The following SPATA17 variants were observed in gnomAD, a reference collection of about 807,000 sequenced individuals.
The protein encoded by SPATA17 is spermatogenesis-associated protein 17.
SPATA17 carries 53 observed loss-of-function variants against 62.2 expected under a neutral mutation model. The ratio of observed to expected loss-of-function variants is 0.85; its 90% confidence interval spans 0.68 to 1.07. The LOEUF is 1.07. SPATA17 is among the 50% of genes least tolerant of loss of function. The pLI is 0.00. For missense variants in SPATA17, 466 were observed against 425.5 expected, an observed-to-expected ratio of 1.10 and a Z score of -0.84; for synonymous variants, 146 against 146.8, an observed-to-expected ratio of 0.99 and a Z score of 0.04.
rs577027605 is a variant in SPATA17 at position 217,859,096 on chromosome 1, T to G, written c.1006-3678T>G. ...AAATTTATATATGTAGAAAATTATA[T>G]AGAGAGAAATGTTTATATTATACAT... is the stretch of plus-strand genomic sequence containing the variant. On this transcript the variant is annotated intron_variant, in intron 9 of 10. Transcript: ENST00000366933. 9.7e-3 allele frequency among the ~76,000 whole-genome samples: 1,427 copies of G among 147,182 alleles called. 11 individuals carry two copies. The highest frequency in any genetic ancestry group is 0.015 in the Non-Finnish European group (1,013 of 66,872).
chr1:217,668,962 T>TA, intron 3 of SPATA17, 71 bp from the exon 4 acceptor site: 1 of 1,280,400 alleles, frequency 7.8e-7, no homozygotes, highest in South Asian at 1.3e-5. Flanking sequence ...TCTTATCTTT[T>TA]ATATGTAAAA....
intron 9 of SPATA17, among the ~76,000 whole-genome samples, chr1:217,831,987 A>G (rs1675154238): frequency 6.6e-6 from 1 of 152,214 alleles, no homozygotes; most frequent in African/African-American, 2.4e-5. Flanking sequence ...AAAGAAATAA[A>G]TAGAATTTGA....
chr1:217,637,289 A>G (rs957148365), intron 1 of SPATA17, among the ~76,000 whole-genome samples: 1 of 152,180 alleles, frequency 6.6e-6, no homozygotes, highest in Non-Finnish European at 1.5e-5. Context: ...TTACTTGCCA[A>G]ATATAAAGAA....
intron 9 of SPATA17, among the ~76,000 whole-genome samples, chr1:217,859,956 G>C (rs993894758): frequency 1.3e-5 from 2 of 151,780 alleles, no homozygotes; most frequent in Non-Finnish European, 2.9e-5. Context: ...TAATTAATTT[G>C]CTCTTTTTAA....
intron 9 of SPATA17, among the ~76,000 whole-genome samples, chr1:217,854,681 C>T (rs1675739933): frequency 6.6e-6 from 1 of 151,952 alleles, no homozygotes; most frequent in Admixed American, 6.5e-5. Flanking sequence ...AGAGACCTGG[C>T]ACAGCATCTA....
intron 7 of SPATA17, among the ~76,000 whole-genome samples, chr1:217,779,798 T>C (rs17046838): frequency 0.49 from 74,114 of 151,914 alleles, 19,333 homozygotes; most frequent in Non-Finnish European, 0.59. Context: ...CAGAGTAGCT[T>C]TACTTGCCAG....
chr1:217,825,135 GAATAAAAACATATGC>G (rs1674961660), intron 9 of SPATA17, among the ~76,000 whole-genome samples: 1 of 150,666 alleles, frequency 6.6e-6, no homozygotes, highest in Admixed American at 6.6e-5. Flanking sequence ...TATTATTTAG[GAATAAAAACATATGC>G]AGTAAAAGTA....
intron 5 of SPATA17, among the ~76,000 whole-genome samples, chr1:217,697,529 T>G (rs1400292293): frequency 6.6e-6 from 1 of 152,190 alleles, no homozygotes; most frequent in Non-Finnish European, 1.5e-5. Context: ...CTATTTCTAC[T>G]GTTTAAACTT....
At chr1:217,703,216 G>A (rs1671645309) in intron 5 of SPATA17, among the ~76,000 whole-genome samples, 1 of 138,374 alleles carries the variant, frequency 7.2e-6, no homozygotes, top group South Asian at 2.2e-4. Flanking sequence ...TGTCGCCCAG[G>A]CTGGGGTACA....
intron 5 of SPATA17, among the ~76,000 whole-genome samples, chr1:217,735,748 A>G (rs1672497965): frequency 6.6e-6 from 1 of 152,104 alleles, no homozygotes; most frequent in South Asian, 2.1e-4. Flanking sequence ...TCTTGACTTA[A>G]AAAGAAGAGA....
chr1:217,852,606 G>A (rs1675691182), intron 9 of SPATA17, among the ~76,000 whole-genome samples: 1 of 152,186 alleles, frequency 6.6e-6, no homozygotes, highest in Non-Finnish European at 1.5e-5. Context: ...TTCATTGCTT[G>A]ATGCTGTGGC....
intron 3 of SPATA17, among the ~76,000 whole-genome samples, chr1:217,664,647 A>G (rs1237067687): frequency 6.6e-6 from 1 of 152,076 alleles, no homozygotes; most frequent in Non-Finnish European, 1.5e-5. Flanking sequence ...ACAAGGAGAG[A>G]TAGAGGATAG....
At chr1:217,800,358 G>A (rs1674278266) in intron 8 of SPATA17, among the ~76,000 whole-genome samples, 1 of 151,164 alleles carries the variant, frequency 6.6e-6, no homozygotes, top group Admixed American at 6.6e-5. Flanking sequence ...AAGGATATAA[G>A]TCCAAGCTGC....
At chr1:217,655,186 T>C (rs1268107951) in intron 3 of SPATA17, among the ~76,000 whole-genome samples, 1 of 152,246 alleles carries the variant, frequency 6.6e-6, no homozygotes, top group Non-Finnish European at 1.5e-5. Context: ...TTGTTGTGTC[T>C]GTTTAGTCAC....
chr1:217,767,076 T>C (rs568140651), intron 6 of SPATA17, among the ~76,000 whole-genome samples: 1 of 152,274 alleles, frequency 6.6e-6, no homozygotes, highest in East Asian at 1.9e-4. Context: ...ATTCTCTTAA[T>C]TTTTCTTTAT....
chr1:217,844,483 G>A (rs144302128), intron 9 of SPATA17, among the ~76,000 whole-genome samples: 2 of 152,190 alleles, frequency 1.3e-5, no homozygotes, highest in African/African-American at 4.8e-5. Flanking sequence ...AAAAAAATGA[G>A]TGTCCTTCTT....
At chr1:217,849,256 C>G (rs556436734) in intron 9 of SPATA17, among the ~76,000 whole-genome samples, 1 of 152,218 alleles carries the variant, frequency 6.6e-6, no homozygotes, top group African/African-American at 2.4e-5. Flanking sequence ...CCTGCCTGAG[C>G]CAGGTTGACT....
intron 6 of SPATA17, among the ~76,000 whole-genome samples, chr1:217,750,195 T>C (rs1377475790): frequency 2.0e-5 from 3 of 151,684 alleles, no homozygotes; most frequent in Non-Finnish European, 4.4e-5. Context: ...TTAGATGATA[T>C]TTAGAAAGGA....
In SPATA17 at chr1:217,771,946, T is replaced by C. The variant is rs73097221; in HGVS notation, c.520-2388T>C. Among the ~76,000 whole-genome samples, 458 of 152,296 alleles carry C rather than the reference T, an allele frequency of 3.0e-3. 2 individuals are homozygous for C. The highest frequency in any genetic ancestry group is 0.01 in the African/African-American group (436 of 41,570). Reference sequence around the variant, plus strand: ...AATGATAAATTTTAATCTAGCTAAATTGTATGTATTTTACCATTTTAATCT... The same window carrying C: ...AATGATAAATTTTAATCTAGCTAAACTGTATGTATTTTACCATTTTAATCT... On this transcript the variant is annotated intron_variant, in intron 6 of 10. Coordinates refer to ENST00000366933, the MANE Select transcript of SPATA17 (RefSeq NM_138796.4).
Sources: allele counts gnomAD v4.1 joint callset (sites outside exome capture counted in the v4.1 genomes callset), GRCh38; gene constraint gnomAD v4.1.1; transcripts MANE v1.5; gene names NCBI Gene and HGNC (gene_info 2026-07-23, HGNC 2026-07-21).